Variants in GPC5 observed in about 807,000 individuals in gnomAD.
GPC5 encodes the protein glypican-5.
A neutral mutation model predicts 53.9 loss-of-function variants in GPC5; 47 were observed. That is an observed-to-expected ratio of 0.87 (90% CI 0.69 to 1.11). The LOEUF is 1.11. Among genes scored for constraint, GPC5 ranks in the 50% most tolerant of loss-of-function variants. The pLI is 0.00. For synonymous variants in GPC5, 286 were observed against 263.3 expected (o/e 1.09, Z -0.84); for missense variants, 748 against 713.1 (o/e 1.05, Z -0.56).
chr13:91,841,150 T>G (rs2038783066), intron 5 of GPC5, among the ~76,000 whole-genome samples: 1 of 151,760 alleles, frequency 6.6e-6, no homozygotes, highest in South Asian at 2.1e-4. Context: ...GGGAAGAGCT[T>G]TTTCACACAG....
At chr13:91,911,817 G>A (rs757475728) in intron 6 of GPC5, among the ~76,000 whole-genome samples, 11 of 152,158 alleles carry the variant, frequency 7.2e-5, no homozygotes, top group Non-Finnish European at 1.3e-4. Context: ...GATAGAAGAA[G>A]GATGATAGCA....
intron 7 of GPC5, among the ~76,000 whole-genome samples, chr13:92,257,690 A>G (rs953027218): frequency 6.6e-6 from 1 of 151,414 alleles, no homozygotes; most frequent in African/African-American, 2.4e-5. Context: ...AGCTGGAACT[A>G]CAGGTGGGCA....
At chr13:91,496,445 C>T (rs893090830) in intron 2 of GPC5, among the ~76,000 whole-genome samples, 1 of 152,066 alleles carries the variant, frequency 6.6e-6, no homozygotes, top group Non-Finnish European at 1.5e-5. Flanking sequence ...CACTATTCAA[C>T]CATAAAAAAG....
intron 7 of GPC5, among the ~76,000 whole-genome samples, chr13:92,694,824 T>A (rs1887512178): frequency 6.6e-6 from 1 of 152,120 alleles, no homozygotes; most frequent in Admixed American, 6.6e-5. Context: ...GAGGGGGGCA[T>A]GGGCAGAATG....
intron 6 of GPC5, among the ~76,000 whole-genome samples, chr13:92,011,206 C>T (rs573299039): frequency 6.6e-5 from 10 of 152,256 alleles, no homozygotes; most frequent in Non-Finnish European, 1.5e-4. Context: ...TGATAGGATT[C>T]ATTAAGGAGT....
chr13:91,703,408 C>A (rs1015904041), intron 3 of GPC5, among the ~76,000 whole-genome samples: 1 of 151,914 alleles, frequency 6.6e-6, no homozygotes, highest in Admixed American at 6.6e-5. Context: ...GTATCAAATG[C>A]TTTTTTGTGT....
intron 7 of GPC5, among the ~76,000 whole-genome samples, chr13:92,786,665 T>A (rs968139149): frequency 1.3e-5 from 2 of 152,062 alleles, no homozygotes; most frequent in African/African-American, 4.8e-5. Flanking sequence ...GCACAGTAAT[T>A]ATAAAATAAA....
chr13:92,828,865 G>A (rs886283318), intron 7 of GPC5, among the ~76,000 whole-genome samples: 5 of 152,054 alleles, frequency 3.3e-5, no homozygotes, highest in Non-Finnish European at 7.4e-5. Flanking sequence ...GGAGTTGGGG[G>A]ATGAAATACT....
At chr13:92,541,419 CTT>C (rs1477983391) in intron 7 of GPC5, among the ~76,000 whole-genome samples, 1 of 151,708 alleles carries the variant, frequency 6.6e-6, no homozygotes, top group Non-Finnish European at 1.5e-5. Context: ...AAAAAATCAA[CTT>C]ATTGCATGAA....
At chr13:92,374,860 A>G (rs2043680791) in intron 7 of GPC5, among the ~76,000 whole-genome samples, 1 of 151,066 alleles carries the variant, frequency 6.6e-6, no homozygotes, top group Admixed American at 6.7e-5. Context: ...TAATAAAAAA[A>G]AAAAAATAGA....
intron 6 of GPC5, among the ~76,000 whole-genome samples, chr13:91,923,458 A>C (rs547558689): frequency 1.2e-4 from 19 of 152,336 alleles, no homozygotes; most frequent in African/African-American, 4.6e-4. Context: ...AATCAGTAGG[A>C]AAGTTTCTAT....
chr13:91,728,154 C>T (rs2036614425), intron 3 of GPC5, among the ~76,000 whole-genome samples: 1 of 152,038 alleles, frequency 6.6e-6, no homozygotes, highest in African/African-American at 2.4e-5. Context: ...TATTCAACAG[C>T]AACTTATTTC....
chr13:92,175,282 G>A (rs530725039), intron 7 of GPC5, among the ~76,000 whole-genome samples: 51 of 152,054 alleles, frequency 3.4e-4, no homozygotes, highest in African/African-American at 1.1e-3. Flanking sequence ...TCTGTTTATC[G>A]ATATCTAGCT....
chr13:92,422,120 A>G (rs1348445936), intron 7 of GPC5, among the ~76,000 whole-genome samples: 2 of 138,986 alleles, frequency 1.4e-5, no homozygotes, highest in African/African-American at 5.7e-5. Flanking sequence ...TTCCCAAACA[A>G]ATCTTGCCAC....
At chr13:92,292,439 G>A (rs111437115) in intron 7 of GPC5, among the ~76,000 whole-genome samples, 2,482 of 152,202 alleles carry the variant, frequency 0.016, 80 homozygotes, top group African/African-American at 0.056. Context: ...GTAATGTTGC[G>A]CATTTTTTCT....
intron 2 of GPC5, among the ~76,000 whole-genome samples, chr13:91,629,107 C>A (rs2034088010): frequency 1.3e-5 from 2 of 152,124 alleles, no homozygotes; most frequent in Admixed American, 6.6e-5. Context: ...TTGTGATTAT[C>A]TTTTTAAGTA....
chr13:91,582,307 A>G (rs1225277768), intron 2 of GPC5, among the ~76,000 whole-genome samples: 1 of 152,190 alleles, frequency 6.6e-6, no homozygotes, highest in Non-Finnish European at 1.5e-5. Flanking sequence ...TTTCTGGTAA[A>G]CTCCAAAGGA....
Position 91,483,819 on chromosome 13 carries a change from T to A in GPC5, c.325+34897T>A, listed in dbSNP as rs199928671. On this transcript the variant is annotated intron_variant, in intron 2 of 7. Coordinates refer to ENST00000377067, the MANE Select transcript of GPC5 (RefSeq NM_004466.6). ...ATCATGAATCCAATGTTTTTTCTCA[T>A]CAACATTACAGTGAAACAATTGTGA... Among the ~76,000 whole-genome samples the A allele has an allele frequency of 2.0e-5, 3 of 152,202 alleles. No homozygotes were observed. The East Asian group carries it at 5.8e-4, about 29-fold the overall frequency.
intron 7 of GPC5, among the ~76,000 whole-genome samples, chr13:92,642,589 G>T (rs72641020): frequency 0.028 from 4,191 of 152,188 alleles, 193 homozygotes; most frequent in African/African-American, 0.095. Flanking sequence ...ACAAATGGCC[G>T]ACATTTGTAG....
Sources: gnomAD v4.1 joint callset for allele counts (sites outside exome capture counted in the v4.1 genomes callset) on GRCh38, gnomAD v4.1.1 for gene constraint, MANE v1.5 for transcripts, NCBI Gene and HGNC (gene_info 2026-07-23, HGNC 2026-07-21) for gene names.